SETD9: variants seen among roughly 807,000 people sequenced by gnomAD.
SETD9 encodes the protein SET domain containing 9, also known as SET domain-containing protein 9.
A neutral mutation model predicts 36.4 loss-of-function variants in SETD9; 37 were observed. That is an observed-to-expected ratio of 1.02 (90% CI 0.78 to 1.34). The LOEUF (loss-of-function observed/expected upper bound fraction) is 1.34, where lower values mean the gene tolerates loss of function less well. SETD9 is among the 40% of genes most tolerant of loss of function. The pLI is 0.00. For missense variants in SETD9, 323 were observed against 353.2 expected (o/e 0.91, Z 0.69); for synonymous variants, 128 against 132.9 (o/e 0.96, Z 0.26).
chr5:56,910,875 C>A, intron 1 of SETD9: 1 of 202,004 alleles, frequency 5.0e-6, no homozygotes, highest in Non-Finnish European at 1.0e-5. Context: ...GGACCTTGAA[C>A]AAGTTCCCTA....
intron 5 of SETD9, among the ~76,000 whole-genome samples, chr5:56,916,580 A>G (rs1321095523): frequency 6.6e-6 from 1 of 152,220 alleles, no homozygotes; most frequent in Non-Finnish European, 1.5e-5. Context: ...CAATGTTTTC[A>G]GAAGAAGTAG....
At position 56,914,955 on chromosome 5, in the gene SETD9, T is replaced by C. The variant is rs369682678; in HGVS notation, c.801T>C (p.Tyr267=). Residue 267 remains tyrosine, a synonymous_variant, in exon 5 of 6, where the codon TAT becomes TAC. Coordinates refer to ENST00000285947, the MANE Select transcript of SETD9 (RefSeq NM_153706.4). ...ATCTTCCAAACATTGCCTACAGCTA[T>C]GACAAACAAAGGTTCGTTTGCTAAA... The part of the protein sequence containing the change: ...KQYLPNIAYS[Y]DKQSPLRCVV... 1.9e-6 allele frequency: 3 copies of C among 1,585,460 alleles called. No homozygotes were observed. Among genetic ancestry groups the C allele is most frequent in the African/African-American group, 1.3e-5 (1 of 74,582 alleles).
At position 56,914,962 on chromosome 5, in the gene SETD9, C is replaced by A; in HGVS notation, c.808C>A (p.Gln270Lys). The change falls in exon 5 of 6, where the codon CAA (glutamine) becomes AAA (lysine). Residue 270 changes from glutamine (Q) to lysine (K), a missense_variant. By Grantham distance (53) the Gln-to-Lys change is moderately conservative. Coordinates refer to ENST00000285947, the MANE Select transcript of SETD9 (RefSeq NM_153706.4). Reference sequence around the variant, plus strand: ...AAACATTGCCTACAGCTATGACAAACAAAGGTTCGTTTGCTAAAAGAGCAT... The same window carrying A: ...AAACATTGCCTACAGCTATGACAAAAAAAGGTTCGTTTGCTAAAAGAGCAT... ...LPNIAYSYDK[Q>K]SPLRCVVLVA... The A allele has an allele frequency of 1.3e-6, 2 of 1,581,588 alleles. No individual in the cohort carries two copies. The highest frequency in any genetic ancestry group is 8.6e-7 in the Non-Finnish European group (1 of 1,158,434).
chr5:56,924,191 G>T, intron 5 of SETD9: 1 of 764,694 alleles, frequency 1.3e-6, no homozygotes, highest in South Asian at 2.5e-5. Context: ...ATAAAGTTCT[G>T]AACACTTTGA....
At position 56,911,493 on chromosome 5, in the gene SETD9, T is replaced by C. The variant is rs762619528; in HGVS notation, c.423T>C (p.Thr141=). ...CTGCTGGAAAAGGTGTCTTCGTTACTAAAGGATTGGTACCAAAAGGCGCAG... is the reference window on the plus strand; with the variant it reads ...CTGCTGGAAAAGGTGTCTTCGTTACCAAAGGATTGGTACCAAAAGGCGCAG... ...LISAGKGVFV[T]KGLVPKGAVV... is the part of the protein sequence containing the mutation. Residue 141 remains threonine (T), a synonymous_variant, in exon 2 of 6, where the codon ACT becomes ACC. Coordinates refer to ENST00000285947, the MANE Select transcript of SETD9 (RefSeq NM_153706.4). The C allele has an allele frequency of 1.3e-5, 20 of 1,597,438 alleles. No homozygotes were observed. Among genetic ancestry groups the C allele is most frequent in the Non-Finnish European group, 1.5e-5 (18 of 1,174,068 alleles).
chr5:56,913,263 A>C lies in SETD9; in HGVS notation c.590+129A>C, dbSNP rs545981783. ...GAGATGGGGTCTTGCTATGTTGTCC[A>C]GGCTGGTTTTGAACTCCTGGCCTCA... is the stretch of plus-strand genomic sequence containing the variant. On this transcript the variant is annotated intron_variant, in intron 3 of 5. Transcript: ENST00000285947. 2.9e-5 allele frequency: 34 copies of C among 1,159,154 alleles called. No individual in the cohort carries two copies. The African/African-American group carries it at 5.1e-4, about 17-fold the overall frequency. The allele number at this position is 1,159,154 out of a possible 1,614,324, so 71.8% of individuals were successfully genotyped here. A position where few individuals can be genotyped will look rare whatever the true frequency, so the allele number is the denominator to read the frequency against.
Position 56,911,458 on chromosome 5 carries a change from T to C in SETD9, c.388T>C (p.Ser130Pro), listed in dbSNP as rs750367282. ...TTTCAGTGTTGCCCAAGCAACTAGC[T>C]CATTGATTTCTGCTGGAAAAGGTGT... ...LGFSVAQATS[S>P]LISAGKGVFV... The change falls in exon 2 of 6, where the codon TCA becomes CCA. Residue 130 changes from serine (S) to proline (P), a missense_variant. By Grantham distance (74) the Ser-to-Pro change is moderately conservative. Transcript: ENST00000285947. The C allele has an allele frequency of 2.7e-5, 44 of 1,609,304 alleles. No individual in the cohort carries two copies. The highest frequency in any genetic ancestry group is 2.4e-4 in the South Asian group (22 of 89,830).
chr5:56,913,016 G>C lies in SETD9; in HGVS notation c.472G>C (p.Val158Leu). 6.2e-7 allele frequency: 1 copy of C among 1,613,798 alleles called. No individual in the cohort carries two copies. ...TTTGTCTTGTTGTGTAATAGGTACA[G>C]TATATCAGAAGTATGAGCCGATCTT... ...GAVVSMYPGT[V>L]YQKYEPIFFQ... Residue 158 changes from valine (V) to leucine (L), a missense_variant, in exon 3 of 6, where the codon GTA (valine) becomes CTA (leucine). Val to Leu is a conservative substitution (Grantham distance 32). Coordinates refer to ENST00000285947, the MANE Select transcript of SETD9 (RefSeq NM_153706.4).
At chr5:56,916,631 T>C (rs1404418150) in intron 5 of SETD9, among the ~76,000 whole-genome samples, 184 bp from the exon 6 acceptor site, 1 of 152,188 alleles carries the variant, frequency 6.6e-6, no homozygotes, top group African/African-American at 2.4e-5. Flanking sequence ...TTAAATGATA[T>C]AGATATACTC....
intron 2 of SETD9, chr5:56,912,216 A>G: frequency 1.0e-6 from 1 of 985,324 alleles, no homozygotes; most frequent in South Asian, 4.7e-5. Context: ...TAAACCCATA[A>G]GTCACCGAAT....
intron 5 of SETD9, chr5:56,923,170 A>G (rs971288171): frequency 6.2e-7 from 1 of 1,613,866 alleles, no homozygotes; most frequent in Non-Finnish European, 8.5e-7. Context: ...GAGCATGGGC[A>G]CTGATGAAAC....
intron 5 of SETD9, chr5:56,924,086 AT>A: frequency 6.3e-7 from 1 of 1,584,880 alleles, no homozygotes; most frequent in South Asian, 1.2e-5. Context: ...AAACTCAACC[AT>A]TTTTTTAAGC....
upstream of SETD9, chr5:56,909,553 G>A: frequency 1.0e-6 from 1 of 960,786 alleles, no homozygotes; most frequent in East Asian, 3.0e-5. Context: ...GAAGGCGGCC[G>A]AGCGCGGCCC....
downstream of SETD9, chr5:56,928,375 AAT>A (rs763670089): frequency 1.9e-5 from 3 of 154,114 alleles, no homozygotes; most frequent in African/African-American, 4.8e-5. Flanking sequence ...GTGGTGTTAG[AAT>A]ATGTTTCTAG....
In SETD9 at chr5:56,916,848, G is replaced by A; in HGVS notation, c.846G>A (p.Arg282=). The A allele has an allele frequency of 6.2e-7, 1 of 1,607,820 alleles. No homozygotes were observed. The highest frequency in any genetic ancestry group is 8.5e-7 in the Non-Finnish European group (1 of 1,177,778). ...GATGTGTTGTTCTTGTCGCACTTAG[G>A]GACATCAATCAAGGAGAAGAGCTTT... is the stretch of plus-strand genomic sequence containing the variant. The part of the protein sequence containing the change: ...PLRCVVLVAL[R]DINQGEELFS... The change falls in exon 6 of 6, where the codon AGG becomes AGA. Residue 282 remains arginine (R), a synonymous_variant. Transcript: ENST00000285947.
chr5:56,916,974 C>A lies in SETD9; in HGVS notation c.*72C>A. 1 of 1,488,552 alleles carries A rather than the reference C, an allele frequency of 6.7e-7. No homozygotes were observed. The allele number at this position is 1,488,552 out of a possible 1,614,324, so 92.2% of individuals were successfully genotyped here. A position where few individuals can be genotyped will look rare whatever the true frequency, so the allele number is the denominator to read the frequency against. ...TAAGTGTTTTTTGTTAATCACTTCT[C>A]TGAGTTCTACCTGTAAAACAAATAT... On this transcript the variant is annotated 3_prime_UTR_variant, in exon 6 of 6. Coordinates refer to ENST00000285947, the MANE Select transcript of SETD9 (RefSeq NM_153706.4).
downstream of SETD9, chr5:56,919,613 A>T (rs1456120694): frequency 1.3e-5 from 2 of 152,640 alleles, no homozygotes; most frequent in Non-Finnish European, 2.9e-5. Flanking sequence ...AAAGATTCCC[A>T]GATTTTTATT....
rs951097362 is a variant in SETD9, at chr5:56,917,050, T to A, written c.*148T>A. Reference sequence around the variant, plus strand: ...TTCTTATGTTTTTGTTGATATTATATTTATGTTCCAATTTCATGATAAAAG... The same window carrying A: ...TTCTTATGTTTTTGTTGATATTATAATTATGTTCCAATTTCATGATAAAAG... On this transcript the variant is annotated 3_prime_UTR_variant, in exon 6 of 6. Coordinates refer to ENST00000285947, the MANE Select transcript of SETD9 (RefSeq NM_153706.4). 3.0e-6 allele frequency: 4 copies of A among 1,321,210 alleles called. No individual in the cohort carries two copies. The African/African-American group carries it at 6.2e-5, about 20-fold the overall frequency. 81.8% of individuals were successfully genotyped at this position (1,321,210 alleles called of 1,614,324 possible). A position where few individuals can be genotyped will look rare whatever the true frequency, so the allele number is the denominator to read the frequency against.
downstream of SETD9, among the ~76,000 whole-genome samples, chr5:56,926,576 A>T (rs1749992749): frequency 6.6e-6 from 1 of 152,182 alleles, no homozygotes; most frequent in African/African-American, 2.4e-5. Context: ...AATCCAAAAC[A>T]CTGACACCAC....
Sources: gnomAD v4.1 joint callset for allele counts (sites outside exome capture counted in the v4.1 genomes callset) on GRCh38, gnomAD v4.1.1 for gene constraint, MANE v1.5 for transcripts, NCBI Gene and HGNC (gene_info 2026-07-23, HGNC 2026-07-21) for gene names.